BRWD3: variants seen among roughly 807,000 people sequenced by gnomAD.
The protein encoded by BRWD3 is bromodomain and WD repeat domain containing 3.
A neutral mutation model predicts 149.7 loss-of-function variants in BRWD3; 10 were observed. The ratio of observed to expected loss-of-function variants is 0.07; its 90% confidence interval spans 0.04 to 0.11. The LOEUF is 0.11. Ranked by LOEUF, BRWD3 falls within the 10% of genes least tolerant of loss-of-function variation. The pLI is 1.00. For synonymous variants in BRWD3, 504 were observed against 456.7 expected (o/e 1.10, Z -1.32); for missense variants, 940 against 1,373.2 (o/e 0.68, Z 4.99).
At position 80,800,760 on chromosome X, in the gene BRWD3, GA is replaced by G. The variant is rs199808156; in HGVS notation, c.181-6989del. ...GAAAAACCGGGCAGGGGAAAAAAAA[GA>G]AAAAAAAGACAGCAGGCAGGCCTTT... On this transcript the variant is annotated intron_variant, in intron 4 of 40. Coordinates refer to ENST00000373275, the MANE Select transcript of BRWD3 (RefSeq NM_153252.5). Among the ~76,000 whole-genome samples, 794 of 110,080 alleles carry G rather than the reference GA, an allele frequency of 7.2e-3. 8 individuals are homozygous for G. The highest frequency in any genetic ancestry group is 0.025 in the African/African-American group (753 of 30,335).
chrX:80,684,152 T>C lies in BRWD3; in HGVS notation c.4091A>G (p.Asp1364Gly), dbSNP rs1215262195. The change falls in exon 37 of 41, where the codon GAT (aspartate) becomes GGT (glycine). Residue 1364 changes from aspartate to glycine, a missense_variant. Physicochemically the swap from Asp to Gly is moderately conservative, Grantham distance 94 (BLOSUM62 -1). Coordinates refer to ENST00000373275, the MANE Select transcript of BRWD3 (RefSeq NM_153252.5). ...QDSSLSEDYQ[D>G]VIDTPVDFST... is the part of the protein sequence containing the mutation. ...GAAGTCCACAGGAGTATCTATAACA[T>C]CTTGATAATCCTACAAAGAAGAATG... The C allele has an allele frequency of 8.3e-7, 1 of 1,200,451 alleles. No homozygotes were observed. The highest frequency in any genetic ancestry group is 1.8e-5 in the South Asian group (1 of 56,683).
intron 5 of BRWD3, 118 bp from the exon 6 acceptor site, chrX:80,792,070 C>A (rs2074187822): frequency 5.9e-6 from 3 of 507,257 alleles, no homozygotes; most frequent in Non-Finnish European, 3.3e-6. Context: ...ATTATTAAAC[C>A]AAAATGAAAA....
chrX:80,804,300 C>T (rs867529051), intron 4 of BRWD3, among the ~76,000 whole-genome samples: 1 of 107,647 alleles, frequency 9.3e-6, no homozygotes, highest in Non-Finnish European at 1.9e-5. Context: ...TGCAGTGGTG[C>T]GATTCCAGCT....
chrX:80,690,870 T>C (rs1285213631), intron 31 of BRWD3, among the ~76,000 whole-genome samples, 183 bp downstream of exon 31: 6 of 111,625 alleles, frequency 5.4e-5, no homozygotes, highest in Admixed American at 4.8e-4. Flanking sequence ...CAGCCTTTCT[T>C]CTCTATCCCC....
intron 6 of BRWD3, among the ~76,000 whole-genome samples, chrX:80,776,128 A>G (rs2073998285): frequency 8.9e-6 from 1 of 112,152 alleles, no homozygotes; most frequent in Non-Finnish European, 1.9e-5. Flanking sequence ...AAATAATTTA[A>G]CAGCAAAAAT....
At chrX:80,784,786 T>C (rs1182956547) in intron 6 of BRWD3, among the ~76,000 whole-genome samples, 4 of 112,184 alleles carry the variant, frequency 3.6e-5, no homozygotes, top group East Asian at 2.8e-4. Context: ...CTGCCTATCA[T>C]TGATGGGCAT....
rs573561276 is a variant in BRWD3 at position 80,682,366 on chromosome X, C to A, written c.4397+99G>T. 4 of 972,933 alleles carry A rather than the reference C, an allele frequency of 4.1e-6. No individual in the cohort carries two copies. In the South Asian group the frequency reaches 7.8e-5, roughly 19 times the overall value. 80.2% of individuals were successfully genotyped at this position (972,933 alleles called of 1,213,427 possible). On this transcript the variant is annotated intron_variant, in intron 38 of 40. Coordinates refer to ENST00000373275, the MANE Select transcript of BRWD3 (RefSeq NM_153252.5). The stretch of plus-strand genomic sequence containing the variant: ...GTTTAGGAAACAAACAAAAAAAGAC[C>A]TCTTGGGATCTCCCCAAATTATTCA...
At chrX:80,775,556 T>C (rs924489026) in intron 6 of BRWD3, among the ~76,000 whole-genome samples, 4 of 111,912 alleles carry the variant, frequency 3.6e-5, no homozygotes, top group African/African-American at 9.7e-5. Flanking sequence ...AATATGTGTA[T>C]TGTAAAGATT....
At chrX:80,769,281 G>C (rs866886971) in intron 6 of BRWD3, among the ~76,000 whole-genome samples, 10 of 111,549 alleles carry the variant, frequency 9.0e-5, no homozygotes, top group African/African-American at 2.9e-4. Flanking sequence ...CAAATCAACA[G>C]AATATACATT....
At chrX:80,759,489 C>A (rs372487582) in intron 6 of BRWD3, among the ~76,000 whole-genome samples, 11 of 111,741 alleles carry the variant, frequency 9.8e-5, no homozygotes, top group African/African-American at 3.6e-4. Flanking sequence ...TTTCTTTTCT[C>A]TAACTATGCT....
At chrX:80,770,951 A>G (rs1261791794) in intron 6 of BRWD3, among the ~76,000 whole-genome samples, 1 of 111,493 alleles carries the variant, frequency 9.0e-6, no homozygotes, top group East Asian at 2.8e-4. Flanking sequence ...ATCCCTATAC[A>G]CCAATAACAG....
intron 6 of BRWD3, among the ~76,000 whole-genome samples, chrX:80,787,123 T>C (rs1438767861): frequency 9.0e-6 from 1 of 110,665 alleles, no homozygotes; most frequent in Non-Finnish European, 1.9e-5. Context: ...TAAAACTATA[T>C]AAAAACCATA....
intron 8 of BRWD3, among the ~76,000 whole-genome samples, chrX:80,740,627 T>G (rs1403222628): frequency 4.5e-5 from 5 of 111,489 alleles, no homozygotes; most frequent in African/African-American, 1.6e-4. Context: ...CGCATGCCGG[T>G]AGTACCAGCT....
At chrX:80,725,973 CATGTT>C (rs1297951721) in intron 14 of BRWD3, among the ~76,000 whole-genome samples, 1 of 106,452 alleles carries the variant, frequency 9.4e-6, no homozygotes, top group Admixed American at 9.8e-5. Flanking sequence ...AACATGTTTA[CATGTT>C]ATATGTCTAT....
chrX:80,801,783 A>G (rs984105372), intron 4 of BRWD3, among the ~76,000 whole-genome samples: 10 of 111,045 alleles, frequency 9.0e-5, no homozygotes, highest in African/African-American at 2.6e-4. Flanking sequence ...TGGAGGTTGC[A>G]GTGAGTGCCA....
chrX:80,679,485 A>C (rs187136909), intron 40 of BRWD3, among the ~76,000 whole-genome samples: 1 of 112,062 alleles, frequency 8.9e-6, no homozygotes, highest in East Asian at 2.8e-4. Flanking sequence ...TAATAGAATA[A>C]AGAGATATTT....
intron 20 of BRWD3, chrX:80,709,906 C>G (rs2072935783): frequency 1.3e-6 from 1 of 742,678 alleles, no homozygotes; most frequent in Non-Finnish European, 2.1e-6. Context: ...GAGGCTGCAA[C>G]CAGACCTGTG....
chrX:80,726,302 CAT>C lies in BRWD3; in HGVS notation c.1387-1237_1387-1236del, dbSNP rs973539581. Among the ~76,000 whole-genome samples the C allele has an allele frequency of 1.2e-4, 12 of 100,819 alleles. No homozygotes were observed. In the Middle Eastern group the frequency reaches 0.022, roughly 181 times the overall value. The allele number at this position is 100,819 out of a possible 115,157, so 87.5% of individuals were successfully genotyped here. On this transcript the variant is annotated intron_variant, in intron 14 of 40. Coordinates refer to ENST00000373275, the MANE Select transcript of BRWD3 (RefSeq NM_153252.5). ...GTCTGTATAACATATAACACGTTTACATGTTATGTCTGTATAACATATAACAT... is the reference window on the plus strand; with the variant it reads ...GTCTGTATAACATATAACACGTTTACGTTATGTCTGTATAACATATAACAT...
At chrX:80,728,520 G>A (rs1485084910) in intron 14 of BRWD3, among the ~76,000 whole-genome samples, 1 of 111,306 alleles carries the variant, frequency 9.0e-6, no homozygotes, top group African/African-American at 3.3e-5. Flanking sequence ...CATAGTAGAT[G>A]AGTAACTACC....
Sources: allele counts gnomAD v4.1 joint callset (sites outside exome capture counted in the v4.1 genomes callset), GRCh38; gene constraint gnomAD v4.1.1; transcripts MANE v1.5; gene names NCBI Gene and HGNC (gene_info 2026-07-23, HGNC 2026-07-21).